NHERF4: variants seen among roughly 807,000 people sequenced by gnomAD.
The protein encoded by NHERF4 is NHERF family PDZ scaffold protein 4, also known as Na(+)/H(+) exchange regulatory cofactor NHE-RF4.
the NHERF4 span, chr11:119,188,704 G>A: frequency 1.2e-6 from 2 of 1,614,202 alleles, no homozygotes; most frequent in Non-Finnish European, 1.7e-6. Context: ...CGGGGCAGCA[G>A]CTCAGCCTCA....
the NHERF4 span, chr11:119,189,080 G>A: frequency 6.2e-7 from 1 of 1,614,126 alleles, no homozygotes; most frequent in Non-Finnish European, 8.5e-7. The surrounding 1 kb of genome is among the most constrained non-coding windows in gnomAD (Gnocchi z 5.8). Context: ...CGGGTATCCT[G>A]TTGGGGGACA....
At chr11:119,186,213 A>ACGGCT in the NHERF4 span, 1 of 1,614,038 alleles carries the variant, frequency 6.2e-7, no homozygotes, top group Non-Finnish European at 8.5e-7. The surrounding 1 kb of genome is among the most constrained non-coding windows in gnomAD (Gnocchi z 4.4). Flanking sequence ...TGGAGGCACC[A>ACGGCT]CGGCTCCACA....
At chr11:119,186,399 G>C in the NHERF4 span, 1 of 1,572,878 alleles carries the variant, frequency 6.4e-7, no homozygotes, top group Non-Finnish European at 8.7e-7. The surrounding 1 kb of genome is among the most constrained non-coding windows in gnomAD (Gnocchi z 4.4). Context: ...CAGGACACAG[G>C]GTCTGCCAGG....
chr11:119,186,119 C>T, the NHERF4 span: 1 of 1,613,634 alleles, frequency 6.2e-7, no homozygotes, highest in South Asian at 1.1e-5. This position sits in a 1 kb window ranked among gnomAD's most constrained non-coding sequence, Gnocchi z 4.4. Context: ...CAAAGCTGGG[C>T]ATTGATAATC....
the NHERF4 span, chr11:119,188,334 G>C: frequency 3.1e-6 from 5 of 1,613,352 alleles, no homozygotes; most frequent in East Asian, 2.2e-5. Context: ...GAGAGGAGCA[G>C]TGAGGATGTC....
chr11:119,187,866 A>C, the NHERF4 span: 3 of 1,471,934 alleles, frequency 2.0e-6, no homozygotes, highest in East Asian at 7.4e-5. Flanking sequence ...GCCTGGGAGG[A>C]GGGGCTGTGG....
chr11:119,188,555 C>G, the NHERF4 span: 1 of 1,598,778 alleles, frequency 6.3e-7, no homozygotes, highest in African/African-American at 1.3e-5. Flanking sequence ...CAGCATGGTG[C>G]GTGCTGAGGG....
At chr11:119,187,746 G>A in the NHERF4 span, 3 of 1,470,216 alleles carry the variant, frequency 2.0e-6, no homozygotes, top group Non-Finnish European at 2.7e-6. Flanking sequence ...CCGGGCCTGG[G>A]CCCCACCTCG....
At chr11:119,187,278 C>A in the NHERF4 span, 1 of 1,599,764 alleles carries the variant, frequency 6.3e-7, no homozygotes, top group African/African-American at 1.3e-5. Context: ...AGGTGGTACG[C>A]CGCATCCGGG....
the NHERF4 span, chr11:119,186,431 G>A: frequency 7.5e-6 from 12 of 1,604,022 alleles, no homozygotes; most frequent in African/African-American, 1.3e-5. The surrounding 1 kb of genome is among the most constrained non-coding windows in gnomAD (Gnocchi z 4.4). Flanking sequence ...CCTGTACTTG[G>A]GCTGTGCCCT....
chr11:119,188,697 G>A, the NHERF4 span: 1 of 1,614,154 alleles, frequency 6.2e-7, no homozygotes, highest in Non-Finnish European at 8.5e-7. Context: ...CTCGCCCCGG[G>A]GCAGCAGCTC....
At chr11:119,186,271 A>G in the NHERF4 span, 1 of 1,612,066 alleles carries the variant, frequency 6.2e-7, no homozygotes, top group South Asian at 1.1e-5. This position sits in a 1 kb window ranked among gnomAD's most constrained non-coding sequence, Gnocchi z 4.4. Flanking sequence ...CCCTCTGATA[A>G]CAGCCTTGGT....
At chr11:119,187,609 C>A in the NHERF4 span, 1 of 1,583,040 alleles carries the variant, frequency 6.3e-7, no homozygotes, top group South Asian at 1.1e-5. Flanking sequence ...GGAGGAGCAG[C>A]TGAGCGGGCA....
the NHERF4 span, chr11:119,187,917 G>C: frequency 3.1e-5 from 48 of 1,527,202 alleles, no homozygotes; most frequent in African/African-American, 6.3e-4. Flanking sequence ...GTGTTATACT[G>C]ATGCCCTGCT....
the NHERF4 span, chr11:119,188,404 G>A: frequency 6.2e-7 from 1 of 1,613,806 alleles, no homozygotes; most frequent in East Asian, 2.2e-5. Flanking sequence ...AGAAGGCTGG[G>A]ATGCAGGCTG....
the NHERF4 span, chr11:119,187,547 T>C: frequency 1.9e-6 from 3 of 1,600,858 alleles, no homozygotes; most frequent in African/African-American, 2.7e-5. Flanking sequence ...GACCTTGCTT[T>C]TTTTTTTAAT....
the NHERF4 span, chr11:119,188,293 C>T: frequency 3.3e-4 from 529 of 1,601,856 alleles, no homozygotes; most frequent in African/African-American, 4.5e-4. Flanking sequence ...GGTCAGTCCC[C>T]TGGTGTGTAC....
the NHERF4 span, chr11:119,186,739 G>A: frequency 5.3e-6 from 8 of 1,519,364 alleles, no homozygotes; most frequent in African/African-American, 2.8e-5. This position sits in a 1 kb window ranked among gnomAD's most constrained non-coding sequence, Gnocchi z 4.4. Context: ...AAAGAGAAGC[G>A]GGTTGCTCAG....
chr11:119,186,092 GAAGTTT>G, the NHERF4 span: 3 of 1,610,858 alleles, frequency 1.9e-6, no homozygotes, highest in African/African-American at 2.7e-5. This position sits in a 1 kb window ranked among gnomAD's most constrained non-coding sequence, Gnocchi z 4.4. Context: ...CTCCTTGCAG[GAAGTTT>G]AAGTTTAACC....
Sources: allele counts gnomAD v4.1 joint callset, GRCh38; gene constraint gnomAD v4.1.1; non-coding constraint Gnocchi (gnomAD v3.1); transcripts MANE v1.5; gene names NCBI Gene and HGNC (gene_info 2026-07-23, HGNC 2026-07-21).